ATP6V1A: variants seen among roughly 807,000 people sequenced by gnomAD.
ATP6V1A encodes ATPase H+ transporting V1 subunit A.
Under a neutral mutation model 70.1 loss-of-function variants are expected in ATP6V1A, and 18 were observed. The ratio of observed to expected loss-of-function variants is 0.26; its 90% CI spans 0.18 to 0.38. The LOEUF (loss-of-function observed/expected upper bound fraction) is 0.38. ATP6V1A is among the 10% of genes least tolerant of loss of function. ATP6V1A has a pLI of 1.00. For missense variants in ATP6V1A, 424 were observed against 772.4 expected (o/e 0.55, Z 5.35); for synonymous variants, 232 against 253.8 (o/e 0.91, Z 0.82).
chr3:113,795,745 T>G, intron 10 of ATP6V1A, 131 bp from the exon 11 acceptor site: 3 of 704,686 alleles, frequency 4.3e-6, no homozygotes, highest in Non-Finnish European at 6.8e-6. Flanking sequence ...ATTTCTAAAG[T>G]TATTTACATT....
intron 1 of ATP6V1A, among the ~76,000 whole-genome samples, chr3:113,752,216 G>A (rs943326486): frequency 5.3e-5 from 8 of 152,024 alleles, no homozygotes; most frequent in Middle Eastern, 3.4e-3. Context: ...AGTTTCAGAT[G>A]TGCTTGAGCA....
At chr3:113,791,765 T>G (rs951146356) in intron 8 of ATP6V1A, among the ~76,000 whole-genome samples, 3 of 152,200 alleles carry the variant, frequency 2.0e-5, no homozygotes, top group Non-Finnish European at 4.4e-5. Flanking sequence ...TACTTGTGTT[T>G]TATTCATCCC....
At chr3:113,808,130 G>GAA (rs1246331874) in intron 14 of ATP6V1A, among the ~76,000 whole-genome samples, 1 of 117,142 alleles carries the variant, frequency 8.5e-6, no homozygotes, top group Non-Finnish European at 1.8e-5. Flanking sequence ...AACTCTGTCT[G>GAA]AAAAAAAAAA....
intron 14 of ATP6V1A, among the ~76,000 whole-genome samples, chr3:113,805,777 G>A (rs1307272928): frequency 6.6e-6 from 1 of 152,058 alleles, no homozygotes; most frequent in Non-Finnish European, 1.5e-5. Context: ...CACCATGTTG[G>A]CCAGGATGGT....
At chr3:113,772,858 A>G (rs987300758) in intron 1 of ATP6V1A, among the ~76,000 whole-genome samples, 1 of 151,914 alleles carries the variant, frequency 6.6e-6, no homozygotes, top group Non-Finnish European at 1.5e-5. Context: ...CTCTCTGTAT[A>G]AACACTATGG....
intron 1 of ATP6V1A, among the ~76,000 whole-genome samples, chr3:113,755,910 G>C (rs1337130615): frequency 6.6e-6 from 1 of 151,966 alleles, no homozygotes; most frequent in Non-Finnish European, 1.5e-5. Flanking sequence ...TTTTCACATT[G>C]ATACAGTTAA....
chr3:113,758,350 C>G (rs1417839744), intron 1 of ATP6V1A, among the ~76,000 whole-genome samples: 1 of 152,078 alleles, frequency 6.6e-6, no homozygotes, highest in Non-Finnish European at 1.5e-5. Flanking sequence ...CACATGAAGC[C>G]AGCACTGTAA....
intron 1 of ATP6V1A, among the ~76,000 whole-genome samples, chr3:113,752,100 T>A (rs1361880507): frequency 6.6e-6 from 1 of 151,920 alleles, no homozygotes; most frequent in African/African-American, 2.4e-5. Context: ...GGTAAGCCTT[T>A]AAAAAAATTT....
At chr3:113,803,453 C>T (rs1006954247) in intron 12 of ATP6V1A, 130 bp from the exon 13 acceptor site, 1 of 688,776 alleles carries the variant, frequency 1.5e-6, no homozygotes, top group Non-Finnish European at 2.5e-6. Flanking sequence ...AATCAAAAAG[C>T]CGTTATAAGT....
chr3:113,756,219 A>G (rs1307704033), intron 1 of ATP6V1A, among the ~76,000 whole-genome samples: 1 of 152,162 alleles, frequency 6.6e-6, no homozygotes, highest in Non-Finnish European at 1.5e-5. Context: ...CTGCCATAAT[A>G]CCGCTAAACA....
intron 12 of ATP6V1A, among the ~76,000 whole-genome samples, chr3:113,799,301 T>C (rs1363575920): frequency 6.6e-6 from 1 of 152,198 alleles, no homozygotes; most frequent in Non-Finnish European, 1.5e-5. Flanking sequence ...AGAAAATCTA[T>C]TGTAATTCAC....
At chr3:113,802,086 T>C (rs928832029) in intron 12 of ATP6V1A, among the ~76,000 whole-genome samples, 1 of 152,180 alleles carries the variant, frequency 6.6e-6, no homozygotes, top group African/African-American at 2.4e-5. Flanking sequence ...TTTAGGGCTT[T>C]TGAGGTAGTG....
intron 8 of ATP6V1A, 42 bp downstream of exon 8, chr3:113,789,882 T>C (rs1202201505): frequency 1.4e-6 from 2 of 1,474,140 alleles, no homozygotes; most frequent in Admixed American, 1.7e-5. Context: ...CATCTGTTCT[T>C]AAGTGTAAAG....
rs551906758 is a variant in ATP6V1A, at chr3:113,762,191, T to C, written c.-14+15078T>C. Among the ~76,000 whole-genome samples the C allele has an allele frequency of 8.7e-4, 124 of 142,864 alleles. 3 individuals are homozygous for C. The highest frequency in any genetic ancestry group is 6.6e-3 in the Admixed American group (95 of 14,386). 93.7% of individuals were successfully genotyped at this position (142,864 alleles called of 152,430 possible). ...TTTCTAAGTATTTTAAGCAATTGCC[T>C]TTTTAAAGTAGTCATACAGTTTCTA... is the stretch of plus-strand genomic sequence containing the variant. On this transcript the variant is annotated intron_variant, in intron 1 of 14. Coordinates refer to ENST00000273398, the MANE Select transcript of ATP6V1A (RefSeq NM_001690.4).
At chr3:113,749,263 TCACACACACACA>T (rs58516178) in intron 1 of ATP6V1A, among the ~76,000 whole-genome samples, 69 of 141,260 alleles carry the variant, frequency 4.9e-4, no homozygotes, top group East Asian at 1.5e-3. Context: ...TATACACAGA[TCACACACACACA>T]CACACACACA....
intron 2 of ATP6V1A, 134 bp from the exon 3 acceptor site, chr3:113,780,916 T>C (rs917774293): frequency 5.2e-6 from 7 of 1,338,716 alleles, no homozygotes; most frequent in Middle Eastern, 4.0e-4. Flanking sequence ...GTATGTTCCA[T>C]AGTAGGTTTT....
chr3:113,756,052 A>G lies in ATP6V1A; in HGVS notation c.-14+8939A>G, dbSNP rs1406510940. Among the ~76,000 whole-genome samples, 4 of 152,310 alleles carry G rather than the reference A, an allele frequency of 2.6e-5. No individual in the cohort carries two copies. In the South Asian group the frequency reaches 6.2e-4, roughly 24 times the overall value. On this transcript the variant is annotated intron_variant, in intron 1 of 14. Coordinates refer to ENST00000273398, the MANE Select transcript of ATP6V1A (RefSeq NM_001690.4). ...CTTAATACTTTAGTTTTATTAACTCATGGAAGCCTCATAACAACCTATGAG... is the reference window on the plus strand; with the variant it reads ...CTTAATACTTTAGTTTTATTAACTCGTGGAAGCCTCATAACAACCTATGAG...
intron 1 of ATP6V1A, among the ~76,000 whole-genome samples, chr3:113,755,254 T>C (rs912266153): frequency 3.9e-5 from 6 of 152,006 alleles, no homozygotes; most frequent in African/African-American, 1.5e-4. Flanking sequence ...TTAACTTCAT[T>C]GGATGTTGTG....
chr3:113,756,904 T>G (rs2108009347), intron 1 of ATP6V1A, among the ~76,000 whole-genome samples: 1 of 152,342 alleles, frequency 6.6e-6, no homozygotes. Flanking sequence ...TCCTTTCTTG[T>G]GAAAAGTGAG....
Sources: allele counts gnomAD v4.1 joint callset (sites outside exome capture counted in the v4.1 genomes callset), GRCh38; gene constraint gnomAD v4.1.1; transcripts MANE v1.5; gene names NCBI Gene and HGNC (gene_info 2026-07-23, HGNC 2026-07-21).